ZNF446: variants seen among roughly 807,000 people sequenced by gnomAD.
ZNF446 encodes the protein zinc finger protein with KRAB and SCAN domains 20.
Under a neutral mutation model 34.0 loss-of-function variants are expected in ZNF446, and 42 were observed. That is an observed-to-expected ratio of 1.23 (90% CI 0.96 to 1.60). The LOEUF (loss-of-function observed/expected upper bound fraction) is 1.60. ZNF446 is among the 40% of genes most tolerant of loss of function. The probability of loss-of-function intolerance (pLI) is 0.00; values close to 1 mark genes in which losing one functional copy is unlikely to be tolerated. For synonymous variants in ZNF446, 315 were observed against 251.0 expected (o/e 1.25, Z -2.41); for missense variants, 650 against 600.2 (o/e 1.08, Z -0.87).
downstream of ZNF446, among the ~76,000 whole-genome samples, chr19:58,486,126 C>T (rs189373644): frequency 4.2e-4 from 51 of 120,514 alleles, no homozygotes; most frequent in Non-Finnish European, 6.9e-4. Flanking sequence ...TGGAGTCTTA[C>T]TCTGTCACCC....
the ZNF446 span, among the ~76,000 whole-genome samples, chr19:58,489,381 C>G: frequency 6.6e-6 from 1 of 152,146 alleles, no homozygotes; most frequent in Non-Finnish European, 1.5e-5. Flanking sequence ...CCGCGCAAGA[C>G]GACAGCTTCG....
At chr19:58,478,744 C>T (rs1030023542) in intron 4 of ZNF446, among the ~76,000 whole-genome samples, 1 of 151,952 alleles carries the variant, frequency 6.6e-6, no homozygotes, top group Non-Finnish European at 1.5e-5. Context: ...GTGGGCTTGG[C>T]TTCCTCACCT....
At position 58,480,688 on chromosome 19, in the gene ZNF446, G is replaced by C. The variant is rs2122451258; in HGVS notation, c.1315G>C (p.Val439Leu). 1.2e-6 allele frequency: 2 copies of C among 1,608,970 alleles called. No homozygotes were observed. The highest frequency in any genetic ancestry group is 1.1e-5 in the South Asian group (1 of 91,066). The change falls in exon 7 of 7, where the codon GTC becomes CTC. Residue 439 changes from valine to leucine, a missense_variant. Val to Leu is a conservative substitution (Grantham distance 32). Coordinates refer to ENST00000594369, the MANE Select transcript of ZNF446 (RefSeq NM_017908.4). The surrounding 1 kb of genome is among the most constrained non-coding windows in gnomAD (Gnocchi z 7.2). Reference sequence around the variant, plus strand: ...CGCCTTCGACTGGAAGTCGCAGCTGGTCATCCACCGCAAGGGCCACCGGCC... The same window carrying C: ...CGCCTTCGACTGGAAGTCGCAGCTGCTCATCCACCGCAAGGGCCACCGGCC... ...GRAFDWKSQL[V>L]IHRKGHRPEV...
Position 58,477,177 on chromosome 19 carries a change from A to T in ZNF446, c.-40-2A>T. ...GACATTCCGACCCTTCCTTTTCTGTAGGCCCATCTTGACGATTCCAAGACC... is the reference window on the plus strand; with the variant it reads ...GACATTCCGACCCTTCCTTTTCTGTTGGCCCATCTTGACGATTCCAAGACC... On this transcript the variant is annotated splice_acceptor_variant, in intron 1 of 6. Coordinates refer to ENST00000594369, the MANE Select transcript of ZNF446 (RefSeq NM_017908.4). LOFTEE classifies it low-confidence loss of function (5UTR_SPLICE). The T allele has an allele frequency of 1.4e-6, 2 of 1,477,152 alleles. No individual in the cohort carries two copies. The highest frequency in any genetic ancestry group is 1.8e-6 in the Non-Finnish European group (2 of 1,104,906). The allele number at this position is 1,477,152 out of a possible 1,614,324, so 91.5% of individuals were successfully genotyped here.
rs747414702 is a variant in ZNF446, at chr19:58,480,313, C to G, written c.940C>G (p.Gln314Glu). 6.3e-6 allele frequency: 10 copies of G among 1,582,954 alleles called. No individual in the cohort carries two copies. Among genetic ancestry groups the G allele is most frequent in the South Asian group, 5.7e-5 (5 of 87,718 alleles). ...VRPGTPPVPTQPTPAETRLEP... is the reference protein window; with the variant it reads ...VRPGTPPVPTEPTPAETRLEP... The stretch of plus-strand genomic sequence containing the variant: ...CCCAGGGACACCGCCAGTGCCCACT[C>G]AGCCCACACCTGCAGAGACGAGACT... The change falls in exon 7 of 7, where the codon CAG becomes GAG. Residue 314 changes from glutamine to glutamate, a missense_variant. Physicochemically the swap from Gln to Glu is conservative, Grantham distance 29. Coordinates refer to ENST00000594369, the MANE Select transcript of ZNF446 (RefSeq NM_017908.4). This position sits in a 1 kb window ranked among gnomAD's most constrained non-coding sequence, Gnocchi z 7.2.
rs2053129866 is a variant in ZNF446, at chr19:58,480,497, C to T, written c.1124C>T (p.Pro375Leu). ...LATGESTEKP[P>L]QGEVAFPHHP... ...ACCGGGGAAAGCACAGAGAAGCCAC[C>T]ACAAGGGGAGGTGGCCTTTCCGCAC... The change falls in exon 7 of 7, where the codon CCA becomes CTA. Residue 375 changes from proline to leucine, a missense_variant. By Grantham distance (98) the Pro-to-Leu change is moderately conservative (BLOSUM62 -3). Coordinates refer to ENST00000594369, the MANE Select transcript of ZNF446 (RefSeq NM_017908.4). This position sits in a 1 kb window ranked among gnomAD's most constrained non-coding sequence, Gnocchi z 7.2. 2 of 1,612,898 alleles carry T rather than the reference C, an allele frequency of 1.2e-6. No homozygotes were observed. Among genetic ancestry groups the T allele is most frequent in the Non-Finnish European group, 8.5e-7 (1 of 1,179,856 alleles).
Position 58,479,680 on chromosome 19 carries a change from T to G in ZNF446, c.665T>G (p.Leu222Arg). The G allele has an allele frequency of 6.2e-7, 1 of 1,613,828 alleles. No homozygotes were observed. The highest frequency in any genetic ancestry group is 2.2e-5 in the East Asian group (1 of 44,866). ...WGLLDRSQKELYWDAMLEKYG... is the reference protein window; with the variant it reads ...WGLLDRSQKERYWDAMLEKYG... ...CTGCTGGACCGGTCACAGAAGGAAC[T>G]GTACTGGGATGCGATGCTGGAGAAG... is the stretch of plus-strand genomic sequence containing the variant. The change falls in exon 5 of 7, where the codon CTG (leucine) becomes CGG (arginine). Residue 222 changes from leucine (L) to arginine (R), a missense_variant. Coordinates refer to ENST00000594369, the MANE Select transcript of ZNF446 (RefSeq NM_017908.4).
At chr19:58,484,807 C>T (rs762679934), downstream of ZNF446, among the ~76,000 whole-genome samples, 25 of 152,124 alleles carry the variant, frequency 1.6e-4, no homozygotes, top group Non-Finnish European at 2.8e-4. Flanking sequence ...CCTGTAATTC[C>T]AGCACTTTGG....
downstream of ZNF446, among the ~76,000 whole-genome samples, chr19:58,482,585 A>T (rs1284694537): frequency 1.3e-5 from 2 of 152,088 alleles, no homozygotes; most frequent in African/African-American, 4.8e-5. Flanking sequence ...GACTGTGGTT[A>T]CCCCAGGAGG....
downstream of ZNF446, among the ~76,000 whole-genome samples, chr19:58,481,652 A>G (rs2053141141): frequency 6.6e-6 from 1 of 152,098 alleles, no homozygotes; most frequent in South Asian, 2.1e-4. Flanking sequence ...GTCACTGGGG[A>G]CTCGCCAATG....
chr19:58,481,951 G>A (rs1351375389), downstream of ZNF446, among the ~76,000 whole-genome samples: 1 of 152,086 alleles, frequency 6.6e-6, no homozygotes, highest in African/African-American at 2.4e-5. Context: ...CCGCCACCAC[G>A]CCCGGCTAAT....
At chr19:58,488,308 G>A in the ZNF446 span, among the ~76,000 whole-genome samples, 1 of 146,250 alleles carries the variant, frequency 6.8e-6, no homozygotes, top group Non-Finnish European at 1.5e-5. Context: ...CCTGTTCATG[G>A]CACTGTGAGG....
chr19:58,484,643 G>A (rs1000230786), downstream of ZNF446, among the ~76,000 whole-genome samples: 2 of 152,022 alleles, frequency 1.3e-5, no homozygotes, highest in Non-Finnish European at 2.9e-5. Context: ...ACCAGCCTGG[G>A]CAACATAGCA....
intron 5 of ZNF446, 96 bp from the exon 6 acceptor site, chr19:58,479,834 C>T (rs763210227): frequency 8.4e-6 from 12 of 1,424,978 alleles, no homozygotes; most frequent in Middle Eastern, 3.5e-4. Context: ...ACCCAGCTCT[C>T]CCACCTTCCA....
rs374472449 is a variant in ZNF446 at position 58,480,734 on chromosome 19, G to C, written c.*8G>C. 2.5e-6 allele frequency: 4 copies of C among 1,598,872 alleles called. No individual in the cohort carries two copies. The highest frequency in any genetic ancestry group is 3.4e-6 in the Non-Finnish European group (4 of 1,176,970). Reference sequence around the variant, plus strand: ...CGGCCGGAGGTTCCATGAGCAGCCAGACAGCACAGTCCCTCGGGGCCTCGG... The same window carrying C: ...CGGCCGGAGGTTCCATGAGCAGCCACACAGCACAGTCCCTCGGGGCCTCGG... On this transcript the variant is annotated 3_prime_UTR_variant, in exon 7 of 7. Coordinates refer to ENST00000594369, the MANE Select transcript of ZNF446 (RefSeq NM_017908.4). The surrounding 1 kb of genome is among the most constrained non-coding windows in gnomAD (Gnocchi z 7.2).
At position 58,477,209 on chromosome 19, in the gene ZNF446, T is replaced by C; in HGVS notation, c.-10T>C. The C allele has an allele frequency of 6.5e-7, 1 of 1,541,516 alleles. No individual in the cohort carries two copies. The highest frequency in any genetic ancestry group is 1.2e-5 in the South Asian group (1 of 82,062). On this transcript the variant is annotated 5_prime_UTR_variant, in exon 2 of 7. Transcript: ENST00000594369. ...TCTTGACGATTCCAAGACCACCCCC[T>C]TGAGCAAGAATGCCATCCCCTCTGG...
At chr19:58,484,290 A>AC (rs1568620362), downstream of ZNF446, among the ~76,000 whole-genome samples, 5 of 148,924 alleles carry the variant, frequency 3.4e-5, no homozygotes, top group East Asian at 2.0e-4. Flanking sequence ...AAAAAAAAAA[A>AC]AAAACACACA....
In ZNF446 at chr19:58,480,131, G is replaced by C; in HGVS notation, c.803-45G>C. Reference sequence around the variant, plus strand: ...TGCCACGGCCACAAGCCTGAGGGAGGGGTTGCTGAGTGCCGGGACTCACCT... The same window carrying C: ...TGCCACGGCCACAAGCCTGAGGGAGCGGTTGCTGAGTGCCGGGACTCACCT... On this transcript the variant is annotated intron_variant, in intron 6 of 6. Coordinates refer to ENST00000594369, the MANE Select transcript of ZNF446 (RefSeq NM_017908.4). The surrounding 1 kb of genome is among the most constrained non-coding windows in gnomAD (Gnocchi z 7.2). The C allele has an allele frequency of 6.4e-7, 1 of 1,573,588 alleles. No homozygotes were observed. The highest frequency in any genetic ancestry group is 8.6e-7 in the Non-Finnish European group (1 of 1,166,414).
chr19:58,485,187 T>C (rs1232635989), downstream of ZNF446, among the ~76,000 whole-genome samples: 1 of 151,822 alleles, frequency 6.6e-6, no homozygotes, highest in East Asian at 1.9e-4. Flanking sequence ...ATAAAAACAC[T>C]GTTAAGTTAT....
Sources: allele counts gnomAD v4.1 joint callset (sites outside exome capture counted in the v4.1 genomes callset), GRCh38; gene constraint gnomAD v4.1.1; non-coding constraint Gnocchi (gnomAD v3.1); transcripts MANE v1.5; gene names NCBI Gene and HGNC (gene_info 2026-07-23, HGNC 2026-07-21).